Variants in FN3KRP observed in about 807,000 individuals in gnomAD.
FN3KRP encodes the protein ketosamine-3-kinase.
Under a neutral mutation model 29.8 loss-of-function variants are expected in FN3KRP, and 33 were observed. The observed-to-expected ratio is 1.11, with a 90% CI of 0.84 to 1.48. FN3KRP has a LOEUF of 1.48. Ranked by LOEUF, FN3KRP falls within the 40% of genes most tolerant of loss-of-function variation. FN3KRP has a pLI of 0.00. For missense variants in FN3KRP, 430 were observed against 402.6 expected, an observed-to-expected ratio of 1.07 and a Z score of -0.58; for synonymous variants, 157 against 155.2, an observed-to-expected ratio of 1.01 and a Z score of -0.09.
At chr17:82,722,644 G>A (rs534254753) in intron 3 of FN3KRP, 160 bp from the exon 4 acceptor site, 3 of 614,072 alleles carry the variant, frequency 4.9e-6, no homozygotes, top group East Asian at 5.6e-5. Flanking sequence ...TCTGTTAGGG[G>A]TGTTGTGTGA....
At position 82,727,249 on chromosome 17, in the gene FN3KRP, C is replaced by A; in HGVS notation, c.*78C>A. 1 of 1,318,600 alleles carries A rather than the reference C, an allele frequency of 7.6e-7. No homozygotes were observed. The highest frequency in any genetic ancestry group is 1.1e-6 in the Non-Finnish European group (1 of 944,138). The allele number at this position is 1,318,600 out of a possible 1,614,324, so 81.7% of individuals were successfully genotyped here. A position where few individuals can be genotyped will look rare whatever the true frequency, so the allele number is the denominator to read the frequency against. ...GGGCAAATTCTTGTTTCTTCACATG[C>A]TGGACTAGCTTAAGACCAATGCAGT... On this transcript the variant is annotated 3_prime_UTR_variant, in exon 6 of 6. Coordinates refer to ENST00000269373, the MANE Select transcript of FN3KRP (RefSeq NM_024619.4).
chr17:82,723,238 T>A (rs2246559), intron 4 of FN3KRP, among the ~76,000 whole-genome samples: 1 of 151,958 alleles, frequency 6.6e-6, no homozygotes, highest in East Asian at 1.9e-4. Flanking sequence ...CATTTCCACC[T>A]GGGGAGTTCT....
intron 4 of FN3KRP, among the ~76,000 whole-genome samples, chr17:82,723,600 TATGTGC>T (rs2046815378): frequency 6.6e-6 from 1 of 151,796 alleles, no homozygotes; most frequent in Non-Finnish European, 1.5e-5. Flanking sequence ...TGTGCATGTG[TATGTGC>T]ACGCATGTGT....
rs144986629 is a variant in FN3KRP at position 82,726,556 on chromosome 17, A to G, written c.545A>G (p.Lys182Arg). Residue 182 changes from lysine to arginine, a missense_variant, in exon 5 of 6, where the codon AAG becomes AGG. Lys to Arg is a conservative substitution (Grantham distance 26). Transcript: ENST00000269373. Reference sequence around the variant, plus strand: ...CAGCCCCAGATGGACATGGTGGAGAAGGAGTCTGGGGACAGGGAGGCCCTC... The same window carrying G: ...CAGCCCCAGATGGACATGGTGGAGAGGGAGTCTGGGGACAGGGAGGCCCTC... ...RIQPQMDMVE[K>R]ESGDREALQL... 8.2e-3 allele frequency: 13,316 copies of G among 1,614,118 alleles called. 917 individuals carry two copies. The Admixed American group carries it at 0.15, about 19-fold the overall frequency.
rs1457902234 is a variant in FN3KRP, at chr17:82,720,418, G to T, written c.385+55G>T. On this transcript the variant is annotated intron_variant, in intron 3 of 5. Coordinates refer to ENST00000269373, the MANE Select transcript of FN3KRP (RefSeq NM_024619.4). ...CCGCCTAGAGGAGGACGTTCAGCCG[G>T]TGTGGGCTCAGAGCGGGGGCCGTGC... is the stretch of plus-strand genomic sequence containing the variant. 18 of 1,458,474 alleles carry T rather than the reference G, an allele frequency of 1.2e-5. No individual in the cohort carries two copies. In the East Asian group the frequency reaches 3.9e-4, roughly 32 times the overall value. 90.3% of individuals were successfully genotyped at this position (1,458,474 alleles called of 1,614,324 possible).
In FN3KRP at chr17:82,727,178, C is replaced by G. The variant is rs150881814; in HGVS notation, c.*7C>G. ...GAGGAATCTGGTCAAGTGAGCGGGC[C>G]TTACTCTGGAAGGAGGCCTCAGAGG... On this transcript the variant is annotated 3_prime_UTR_variant, in exon 6 of 6. Transcript: ENST00000269373. 1.3e-4 allele frequency: 211 copies of G among 1,609,592 alleles called. 1 individual carries two copies. The Middle Eastern group carries it at 1.7e-3, about 13-fold the overall frequency.
At chr17:82,717,027 G>T (rs1169995593) in intron 1 of FN3KRP, 131 bp downstream of exon 1, 4 of 1,141,334 alleles carry the variant, frequency 3.5e-6, no homozygotes, top group African/African-American at 1.6e-5. Context: ...TGCCGCCGCC[G>T]CCCCTTGCGG....
intron 4 of FN3KRP, 97 bp downstream of exon 4, chr17:82,722,983 A>T: frequency 9.0e-7 from 1 of 1,114,526 alleles, no homozygotes; most frequent in Non-Finnish European, 1.3e-6. Context: ...TGTGAGCTTC[A>T]GTAAAAGTAT....
At chr17:82,722,157 G>A (rs2046802608) in intron 3 of FN3KRP, among the ~76,000 whole-genome samples, 2 of 149,734 alleles carry the variant, frequency 1.3e-5, no homozygotes, top group Non-Finnish European at 3.0e-5. Context: ...TTTTTGAGAC[G>A]GAGTTTCACT....
In FN3KRP at chr17:82,722,712, C is replaced by T. The variant is rs149984231; in HGVS notation, c.386-92C>T. The T allele has an allele frequency of 1.0e-3, 1,252 of 1,242,036 alleles. 5 individuals are homozygous for T. The highest frequency in any genetic ancestry group is 3.3e-3 in the Middle Eastern group (12 of 3,650). 76.9% of individuals were successfully genotyped at this position (1,242,036 alleles called of 1,614,324 possible). A position where few individuals can be genotyped will look rare whatever the true frequency, so the allele number is the denominator to read the frequency against. The stretch of plus-strand genomic sequence containing the variant: ...GCAGGGGCATAAGCTGGTAGGAGCT[C>T]GCTGAGGTCGTGTCTGAAGGTGACT... On this transcript the variant is annotated intron_variant, in intron 3 of 5. Coordinates refer to ENST00000269373, the MANE Select transcript of FN3KRP (RefSeq NM_024619.4).
rs1172566939 is a variant in FN3KRP, at chr17:82,727,197, T to C, written c.*26T>C. On this transcript the variant is annotated 3_prime_UTR_variant, in exon 6 of 6. Transcript: ENST00000269373. The stretch of plus-strand genomic sequence containing the variant: ...GCGGGCCTTACTCTGGAAGGAGGCC[T>C]CAGAGGTTTCTCCACAGTCCTCTTC... 5.0e-6 allele frequency: 8 copies of C among 1,597,446 alleles called. No individual in the cohort carries two copies. Among genetic ancestry groups the C allele is most frequent in the Non-Finnish European group, 5.1e-6 (6 of 1,169,044 alleles).
intron 1 of FN3KRP, chr17:82,718,670 A>C (rs1209675207): frequency 7.9e-7 from 1 of 1,264,170 alleles, no homozygotes. Context: ...CAACCACAGC[A>C]CACAAGTGTA....
chr17:82,722,902 T>C lies in FN3KRP; in HGVS notation c.468+16T>C, dbSNP rs1451637526. 6.2e-7 allele frequency: 1 copy of C among 1,610,610 alleles called. No homozygotes were observed. ...CCTCCCCCAGGTGAGTGCACGGCGTTTGCTTCTATTTCACAATCAGGTCAG... is the reference window on the plus strand; with the variant it reads ...CCTCCCCCAGGTGAGTGCACGGCGTCTGCTTCTATTTCACAATCAGGTCAG... On this transcript the variant is annotated intron_variant, in intron 4 of 5. Transcript: ENST00000269373.
intron 4 of FN3KRP, among the ~76,000 whole-genome samples, chr17:82,724,986 T>G (rs2143618330): frequency 7.1e-6 from 1 of 141,440 alleles, no homozygotes; most frequent in East Asian, 2.1e-4. Flanking sequence ...TTTTTTTTTG[T>G]ATTTTTAGTA....
chr17:82,721,603 C>G (rs988114222), intron 3 of FN3KRP, among the ~76,000 whole-genome samples: 11 of 146,444 alleles, frequency 7.5e-5, no homozygotes, highest in African/African-American at 2.8e-4. Flanking sequence ...CCCGGGTCCA[C>G]GCCATTCTCC....
In FN3KRP at chr17:82,719,179, G is replaced by A. The variant is rs2046781553; in HGVS notation, c.293+122G>A. ...CTGGCTTTATTATCTGAGCAGGTGT[G>A]TGTTCACACCACCCCCCAGCTGGCT... On this transcript the variant is annotated intron_variant, in intron 2 of 5. Transcript: ENST00000269373. 9.9e-6 allele frequency: 9 copies of A among 907,616 alleles called. No homozygotes were observed. In the South Asian group the frequency reaches 1.5e-4, roughly 15 times the overall value. The allele number at this position is 907,616 out of a possible 1,614,324, so 56.2% of individuals were successfully genotyped here. A position where few individuals can be genotyped will look rare whatever the true frequency, so the allele number is the denominator to read the frequency against.
At position 82,719,000 on chromosome 17, in the gene FN3KRP, C is replaced by T. The variant is rs1397001410; in HGVS notation, c.236C>T (p.Ala79Val). ...KVPKPIKVLD[A>V]PGGGSVLVME... ...CCCAAGCCCATCAAGGTTCTGGATG[C>T]CCCAGGCGGCGGGAGCGTGCTGGTG... The change falls in exon 2 of 6, where the codon GCC (alanine) becomes GTC (valine). Residue 79 changes from alanine (A) to valine (V), a missense_variant. Coordinates refer to ENST00000269373, the MANE Select transcript of FN3KRP (RefSeq NM_024619.4). 1 of 1,614,040 alleles carries T rather than the reference C, an allele frequency of 6.2e-7. No individual in the cohort carries two copies. The highest frequency in any genetic ancestry group is 8.5e-7 in the Non-Finnish European group (1 of 1,180,008).
intron 4 of FN3KRP, among the ~76,000 whole-genome samples, chr17:82,723,727 G>A (rs920284594): frequency 2.6e-5 from 4 of 152,140 alleles, no homozygotes; most frequent in Admixed American, 6.5e-5. Context: ...TGATGTTGGC[G>A]TCGTGTGCTA....
chr17:82,719,512 C>T (rs946491072), intron 2 of FN3KRP, among the ~76,000 whole-genome samples: 26 of 152,242 alleles, frequency 1.7e-4, no homozygotes, highest in African/African-American at 6.0e-4. Context: ...CCCAACACTT[C>T]GGGAGGCTGA....
Sources: allele counts gnomAD v4.1 joint callset (sites outside exome capture counted in the v4.1 genomes callset), GRCh38; gene constraint gnomAD v4.1.1; transcripts MANE v1.5; gene names NCBI Gene and HGNC (gene_info 2026-07-23, HGNC 2026-07-21).